PDE3B: variants seen among roughly 807,000 people sequenced by gnomAD.
The protein encoded by PDE3B is phosphodiesterase 3B.
PDE3B carries 66 observed loss-of-function variants against 116.8 expected under a neutral mutation model. The ratio of observed to expected loss-of-function variants is 0.56; its 90% CI spans 0.46 to 0.69. PDE3B has a LOEUF of 0.69. PDE3B is among the 30% of genes least tolerant of loss of function. The probability of loss-of-function intolerance (pLI) is 0.00; values close to 1 mark genes in which losing one functional copy is unlikely to be tolerated. For synonymous variants in PDE3B, 595 were observed against 533.6 expected (o/e 1.12, Z -1.59); for missense variants, 1,384 against 1,368.1 (o/e 1.01, Z -0.18).
chr11:14,812,882 T>G (rs191422863), intron 5 of PDE3B, among the ~76,000 whole-genome samples: 70 of 152,294 alleles, frequency 4.6e-4, no homozygotes, highest in African/African-American at 1.7e-3. Flanking sequence ...GTGATGGTAT[T>G]TGGAGCTGGG....
rs1296196482 is a variant in PDE3B, at chr11:14,867,587, T to A, written c.2968T>A (p.Ser990Thr). 2 of 1,614,060 alleles carry A rather than the reference T, an allele frequency of 1.2e-6. No individual in the cohort carries two copies. Among genetic ancestry groups the A allele is most frequent in the African/African-American group, 2.7e-5 (2 of 75,032 alleles). ...SSPQLAKLQE[S>T]FITHIVGPLC... ...TCCTCAACTAGCAAAACTCCAAGAA[T>A]CTTTTATCACCCACATAGTGGGTCC... The change falls in exon 15 of 16, where the codon TCT (serine) becomes ACT (threonine). Residue 990 changes from serine (S) to threonine (T), a missense_variant. Ser to Thr is a moderately conservative substitution (Grantham distance 58). Transcript: ENST00000282096.
At position 14,786,669 on chromosome 11, in the gene PDE3B, A is replaced by T; in HGVS notation, c.1262A>T (p.Asp421Val). ...SEIEDPAEKG[D>V]RKLNKGLNRN... ...ATAGAGGACCCAGCTGAGAAAGGGG[A>T]TAGAAAACTTAACAAGGTCGAAATA... Residue 421 changes from aspartate to valine, a missense_variant, in exon 3 of 16, where the codon GAT becomes GTT. By Grantham distance (152) the Asp-to-Val change is radical (BLOSUM62 -3). Coordinates refer to ENST00000282096, the MANE Select transcript of PDE3B (RefSeq NM_000922.4). 1 of 1,611,114 alleles carries T rather than the reference A, an allele frequency of 6.2e-7. No individual in the cohort carries two copies. The highest frequency in any genetic ancestry group is 8.5e-7 in the Non-Finnish European group (1 of 1,177,530).
chr11:14,678,142 T>C (rs1476344631), intron 1 of PDE3B, among the ~76,000 whole-genome samples: 1 of 152,182 alleles, frequency 6.6e-6, no homozygotes, highest in Non-Finnish European at 1.5e-5. Flanking sequence ...TTGGCTAGGC[T>C]GGTTTTGAAC....
At chr11:14,685,409 G>T (rs1441963836) in intron 1 of PDE3B, among the ~76,000 whole-genome samples, 1 of 144,556 alleles carries the variant, frequency 6.9e-6, no homozygotes, top group East Asian at 2.1e-4. Context: ...TTCTAGTCTT[G>T]GAAGACAATT....
At chr11:14,874,161 T>A (rs1848169271), downstream of PDE3B, among the ~76,000 whole-genome samples, 1 of 152,220 alleles carries the variant, frequency 6.6e-6, no homozygotes, top group Non-Finnish European at 1.5e-5. Flanking sequence ...TGTCTTATGT[T>A]TTCTGGCTTG....
rs559659803 is a variant in PDE3B, at chr11:14,669,561, C to T, written c.978+24508C>T. 1.9e-4 allele frequency among the ~76,000 whole-genome samples: 29 copies of T among 151,958 alleles called. 2 individuals carry two copies. In the South Asian group the frequency reaches 5.0e-3, roughly 26 times the overall value. ...CATGTGCCATGTTGGGTGTGCTGCA[C>T]GCATTAACTCGTCATTTACATTAAG... On this transcript the variant is annotated intron_variant, in intron 1 of 15. Coordinates refer to ENST00000282096, the MANE Select transcript of PDE3B (RefSeq NM_000922.4).
intron 1 of PDE3B, among the ~76,000 whole-genome samples, chr11:14,664,386 A>T (rs1293373002): frequency 6.6e-6 from 1 of 152,198 alleles, no homozygotes; most frequent in African/African-American, 2.4e-5. Flanking sequence ...CACATTCAAA[A>T]GCTAGCAGAA....
At chr11:14,790,925 A>G (rs968518327) in intron 4 of PDE3B, among the ~76,000 whole-genome samples, 19 of 152,202 alleles carry the variant, frequency 1.2e-4, no homozygotes, top group Admixed American at 1.0e-3. Context: ...AGTGCTGTCT[A>G]ATAGAAATTT....
intron 4 of PDE3B, among the ~76,000 whole-genome samples, chr11:14,803,024 A>G (rs1207894908): frequency 6.6e-6 from 1 of 152,236 alleles, no homozygotes; most frequent in African/African-American, 2.4e-5. Flanking sequence ...AAGTTAATCT[A>G]TAATGAAGAT....
intron 12 of PDE3B, among the ~76,000 whole-genome samples, chr11:14,847,364 A>T (rs1480542966): frequency 1.3e-4 from 19 of 151,682 alleles, no homozygotes; most frequent in Admixed American, 8.5e-4. Context: ...AATTTATAGC[A>T]CTAAATGCCC....
At chr11:14,655,836 T>C (rs921145301) in intron 1 of PDE3B, among the ~76,000 whole-genome samples, 2 of 152,102 alleles carry the variant, frequency 1.3e-5, no homozygotes, top group African/African-American at 2.4e-5. Context: ...GCTAGTAAAG[T>C]GAGGAGTGTA....
intron 12 of PDE3B, among the ~76,000 whole-genome samples, chr11:14,856,896 C>G (rs10832310): frequency 0.36 from 54,010 of 151,028 alleles, 10,966 homozygotes; most frequent in Admixed American, 0.46. Context: ...GAGATAATGG[C>G]TATGACCTAG....
intron 1 of PDE3B, among the ~76,000 whole-genome samples, chr11:14,704,873 A>C (rs1249566889): frequency 6.6e-6 from 1 of 151,738 alleles, no homozygotes; most frequent in East Asian, 1.9e-4. Flanking sequence ...GACCTTGTCA[A>C]AATTAAAACC....
At chr11:14,658,477 TCCCAA>T (rs1853784827) in intron 1 of PDE3B, among the ~76,000 whole-genome samples, 1 of 152,166 alleles carries the variant, frequency 6.6e-6, no homozygotes, top group Non-Finnish European at 1.5e-5. Context: ...TGCCTCACCC[TCCCAA>T]GTAGCTGGGA....
intron 1 of PDE3B, among the ~76,000 whole-genome samples, chr11:14,687,399 G>A (rs1050721468): frequency 1.3e-5 from 2 of 152,116 alleles, no homozygotes; most frequent in African/African-American, 2.4e-5. Context: ...TTTTTCTAAA[G>A]TATATATTAT....
In PDE3B at chr11:14,870,301, C is replaced by T. The variant is rs948435717; in HGVS notation, c.*641C>T. The stretch of plus-strand genomic sequence containing the variant: ...GATGCTTTTTACTATTGTGTATTAT[C>T]TACTATGTGTGTTTTATTTCTGCTG... On this transcript the variant is annotated 3_prime_UTR_variant, in exon 16 of 16. Transcript: ENST00000282096. The surrounding 1 kb of genome is among the most constrained non-coding windows in gnomAD (Gnocchi z 4.1). The T allele has an allele frequency of 6.6e-6, 1 of 152,572 alleles. No individual in the cohort carries two copies. The highest frequency in any genetic ancestry group is 1.5e-5 in the Non-Finnish European group (1 of 68,024). 9.5% of individuals were successfully genotyped at this position (152,572 alleles called of 1,614,324 possible). A position where few individuals can be genotyped will look rare whatever the true frequency, so the allele number is the denominator to read the frequency against.
intron 12 of PDE3B, among the ~76,000 whole-genome samples, chr11:14,854,960 TA>T (rs1232748702): frequency 9.2e-5 from 14 of 152,178 alleles, no homozygotes; most frequent in Admixed American, 7.9e-4. Context: ...TTATTTTTTT[TA>T]AAATGTATTC....
intron 1 of PDE3B, among the ~76,000 whole-genome samples, chr11:14,683,617 A>T (rs895656302): frequency 1.3e-5 from 2 of 152,030 alleles, no homozygotes; most frequent in African/African-American, 4.8e-5. Context: ...TTTTCAAAGA[A>T]CAAGATTTGG....
At chr11:14,789,509 C>T (rs1201380750) in intron 4 of PDE3B, among the ~76,000 whole-genome samples, 3 of 151,986 alleles carry the variant, frequency 2.0e-5, no homozygotes, top group African/African-American at 7.2e-5. Flanking sequence ...TCAGGATCAA[C>T]TCAGGACTGG....
Sources: gnomAD v4.1 joint callset for allele counts (sites outside exome capture counted in the v4.1 genomes callset) on GRCh38, gnomAD v4.1.1 for gene constraint, Gnocchi (gnomAD v3.1) non-coding constraint, MANE v1.5 for transcripts, NCBI Gene and HGNC (gene_info 2026-07-23, HGNC 2026-07-21) for gene names.